Variants in COL24A1 observed in about 807,000 individuals in gnomAD.
COL24A1 encodes the protein collagen alpha-1(XXIV) chain.
COL24A1 carries 224 observed loss-of-function variants against 253.9 expected under a neutral mutation model. The observed-to-expected ratio is 0.88, with a 90% CI of 0.79 to 0.99. The LOEUF (loss-of-function observed/expected upper bound fraction) is 0.99. Among genes scored for constraint, COL24A1 ranks in the 50% least tolerant of loss-of-function variants. COL24A1 has a pLI of 0.00. For synonymous variants in COL24A1, 685 were observed against 673.7 expected, an observed-to-expected ratio of 1.02 and a Z score of -0.26; for missense variants, 2,131 against 2,068.5, an observed-to-expected ratio of 1.03 and a Z score of -0.59.
At position 85,769,024 on chromosome 1, in the gene COL24A1, T is replaced by C. The variant is rs557232562; in HGVS notation, c.4374+6650A>G. Among the ~76,000 whole-genome samples the C allele has an allele frequency of 6.0e-5, 9 of 150,984 alleles. No homozygotes were observed. In the South Asian group the frequency reaches 1.5e-3, roughly 25 times the overall value. ...CAATAAATTCAAACAATTCAATAAA[T>C]AAGTCTTTTAAATTTTATCCTCTAG... On this transcript the variant is annotated intron_variant, in intron 53 of 59. Coordinates refer to ENST00000370571, the MANE Select transcript of COL24A1 (RefSeq NM_152890.7).
intron 24 of COL24A1, among the ~76,000 whole-genome samples, chr1:85,952,569 T>C (rs1177069683): frequency 1.3e-5 from 2 of 152,216 alleles, no homozygotes; most frequent in Non-Finnish European, 2.9e-5. Context: ...GGTAGATTCA[T>C]TTAACAAAAT....
intron 2 of COL24A1, among the ~76,000 whole-genome samples, chr1:86,137,135 A>C (rs1308437642): frequency 1.3e-5 from 2 of 152,120 alleles, no homozygotes; most frequent in African/African-American, 4.8e-5. Flanking sequence ...ACCAATGTTT[A>C]CAAGAAATAA....
At chr1:86,140,611 C>T (rs868381494) in intron 2 of COL24A1, among the ~76,000 whole-genome samples, 2 of 152,154 alleles carry the variant, frequency 1.3e-5, no homozygotes, top group African/African-American at 2.4e-5. Flanking sequence ...TTTTTACACA[C>T]GTGGTTTTCA....
At chr1:85,891,042 T>C (rs1175708278) in intron 31 of COL24A1, among the ~76,000 whole-genome samples, 5 of 151,856 alleles carry the variant, frequency 3.3e-5, no homozygotes, top group African/African-American at 9.7e-5. Context: ...CTTTTGTAAA[T>C]TGCATCTTTT....
chr1:85,928,001 T>C (rs1485893929), intron 24 of COL24A1, among the ~76,000 whole-genome samples: 1 of 54,250 alleles, frequency 1.8e-5, no homozygotes, highest in Non-Finnish European at 3.3e-5. Flanking sequence ...ACAGAAAAAC[T>C]GGAAACTCTA....
intron 12 of COL24A1, among the ~76,000 whole-genome samples, chr1:86,038,625 G>T (rs902303973): frequency 6.6e-6 from 1 of 152,108 alleles, no homozygotes; most frequent in African/African-American, 2.4e-5. Context: ...GTGACCAAAA[G>T]AATATAGAAG....
intron 2 of COL24A1, among the ~76,000 whole-genome samples, chr1:86,131,656 C>T (rs1337980192): frequency 6.6e-6 from 1 of 151,954 alleles, no homozygotes; most frequent in African/African-American, 2.4e-5. Context: ...ATGATGGTTT[C>T]CAGCTTCATC....
chr1:85,761,002 T>C (rs1666794987), intron 55 of COL24A1, among the ~76,000 whole-genome samples: 1 of 152,140 alleles, frequency 6.6e-6, no homozygotes, highest in Non-Finnish European at 1.5e-5. Context: ...AGATTTGATT[T>C]ACTTCATGTA....
rs544411215 is a variant in COL24A1 at position 86,046,919 on chromosome 1, G to T, written c.1906-50C>A. ...AATATTTGTTGAATGAATGAATTAGGTACTATAGATCTTTTTCTCCCAATA... is the reference window on the plus strand; with the variant it reads ...AATATTTGTTGAATGAATGAATTAGTTACTATAGATCTTTTTCTCCCAATA... On this transcript the variant is annotated intron_variant, in intron 11 of 59. Transcript: ENST00000370571. The T allele has an allele frequency of 2.8e-5, 28 of 1,007,554 alleles. No individual in the cohort carries two copies. In the Admixed American group the frequency reaches 3.4e-4, roughly 12 times the overall value. The allele number at this position is 1,007,554 out of a possible 1,614,324, so 62.4% of individuals were successfully genotyped here. A position where few individuals can be genotyped will look rare whatever the true frequency, so the allele number is the denominator to read the frequency against.
intron 12 of COL24A1, among the ~76,000 whole-genome samples, chr1:86,042,814 T>C (rs1423271650): frequency 6.6e-6 from 1 of 152,188 alleles, no homozygotes; most frequent in Non-Finnish European, 1.5e-5. Context: ...TTAGTAATGT[T>C]ACTAACTCAT....
intron 10 of COL24A1, among the ~76,000 whole-genome samples, chr1:86,056,381 A>C (rs1700663051): frequency 6.6e-6 from 1 of 152,226 alleles, no homozygotes; most frequent in Non-Finnish European, 1.5e-5. Flanking sequence ...TCCTTAGCTT[A>C]CTATTTTTCT....
intron 51 of COL24A1, among the ~76,000 whole-genome samples, chr1:85,782,996 T>A (rs1182674813): frequency 6.6e-6 from 1 of 152,212 alleles, no homozygotes; most frequent in Non-Finnish European, 1.5e-5. Context: ...TCATTGCTAA[T>A]TGGAGTTCTT....
rs530033705 is a variant in COL24A1 at position 86,087,357 on chromosome 1, G to A, written c.1707+1817C>T. Among the ~76,000 whole-genome samples the A allele has an allele frequency of 3.9e-5, 6 of 152,090 alleles. No homozygotes were observed. The South Asian group carries it at 6.3e-4, about 16-fold the overall frequency. ...CTGATGGGCCATATAACATGTACAC[G>A]GGTCTCTGAAAGTTAGTAATTCTGC... On this transcript the variant is annotated intron_variant, in intron 7 of 59. Transcript: ENST00000370571.
chr1:86,016,592 T>C (rs548904004), intron 19 of COL24A1, among the ~76,000 whole-genome samples: 1 of 152,342 alleles, frequency 6.6e-6, no homozygotes, highest in Admixed American at 6.5e-5. Context: ...CTTTGACTCA[T>C]AGGTCTGACT....
rs1673080238 is a variant in COL24A1, at chr1:85,816,771, A to G, written c.3951+17T>C. Reference sequence around the variant, plus strand: ...TGCATAGGAAATAATGAGCAAAGAGATATCCGTACTACTCACAGGAAGTCC... The same window carrying G: ...TGCATAGGAAATAATGAGCAAAGAGGTATCCGTACTACTCACAGGAAGTCC... On this transcript the variant is annotated intron_variant, in intron 47 of 59. Coordinates refer to ENST00000370571, the MANE Select transcript of COL24A1 (RefSeq NM_152890.7). 4 of 1,584,652 alleles carry G rather than the reference A, an allele frequency of 2.5e-6. No individual in the cohort carries two copies. The Admixed American group carries it at 5.0e-5, about 20-fold the overall frequency.
In COL24A1 at chr1:85,761,395, C is replaced by G; in HGVS notation, c.4437+1G>C. On this transcript the variant is annotated splice_donor_variant, in intron 55 of 59. Coordinates refer to ENST00000370571, the MANE Select transcript of COL24A1 (RefSeq NM_152890.7). LOFTEE classifies it high-confidence loss of function. ...AACAAAATCAAACCAAGCAAACTTA[C>G]TCTTGGGCCTGGTGCTCCAGGTGGA... is the stretch of plus-strand genomic sequence containing the variant. The G allele has an allele frequency of 6.2e-7, 1 of 1,613,982 alleles. No homozygotes were observed. Among genetic ancestry groups the G allele is most frequent in the Non-Finnish European group, 8.5e-7 (1 of 1,179,948 alleles).
intron 3 of COL24A1, among the ~76,000 whole-genome samples, chr1:86,119,182 C>T (rs1706452849): frequency 6.6e-6 from 1 of 152,262 alleles, no homozygotes; most frequent in African/African-American, 2.4e-5. Flanking sequence ...AAAACATCAT[C>T]TCCAGTGAAA....
chr1:86,137,191 T>C (rs866068549), intron 2 of COL24A1, among the ~76,000 whole-genome samples: 48 of 152,126 alleles, frequency 3.2e-4, no homozygotes, highest in African/African-American at 1.1e-3. Context: ...TGGCCCTATA[T>C]AAAAAATCAA....
chr1:85,892,630 TTTA>T (rs1397021677), intron 31 of COL24A1, among the ~76,000 whole-genome samples: 5 of 152,064 alleles, frequency 3.3e-5, no homozygotes. Flanking sequence ...ATGAAAATAT[TTTA>T]TTTATATTAA....
Sources: gnomAD v4.1 joint callset for allele counts (sites outside exome capture counted in the v4.1 genomes callset) on GRCh38, gnomAD v4.1.1 for gene constraint, MANE v1.5 for transcripts, NCBI Gene and HGNC (gene_info 2026-07-23, HGNC 2026-07-21) for gene names.